The following LRRC4C variants were observed in gnomAD, a reference collection of about 807,000 sequenced individuals.
LRRC4C encodes leucine rich repeat containing 4C.
In LRRC4C, 5 loss-of-function variants were observed where a neutral mutation model predicts 33.6. That is an observed-to-expected ratio of 0.15 (90% CI 0.08 to 0.31). LRRC4C has a LOEUF of 0.31. LRRC4C is among the 10% of genes least tolerant of loss of function. The pLI is 1.00. For missense variants in LRRC4C, 560 were observed against 796.7 expected (o/e 0.70, Z 3.58); for synonymous variants, 329 against 302.0 (o/e 1.09, Z -0.93).
chr11:40,158,696 T>C (rs956443099), intron 5 of LRRC4C, among the ~76,000 whole-genome samples: 1 of 152,100 alleles, frequency 6.6e-6, no homozygotes, highest in East Asian at 1.9e-4. Context: ...TTTAATGTGA[T>C]CCATCAAAGT....
chr11:40,275,963 C>T (rs1943071883), intron 4 of LRRC4C, among the ~76,000 whole-genome samples: 1 of 152,022 alleles, frequency 6.6e-6, no homozygotes, highest in Non-Finnish European at 1.5e-5. Context: ...AGAACAATTA[C>T]TTATGCAAAA....
At chr11:40,170,508 GA>G (rs543216031) in intron 5 of LRRC4C, among the ~76,000 whole-genome samples, 5,002 of 147,582 alleles carry the variant, frequency 0.034, 117 homozygotes, top group Middle Eastern at 0.09. Flanking sequence ...GAGAAAGAGA[GA>G]AAAAAAAAAT....
chr11:40,528,839 C>G (rs1285506131), intron 3 of LRRC4C, among the ~76,000 whole-genome samples: 1 of 152,118 alleles, frequency 6.6e-6, no homozygotes, highest in African/African-American at 2.4e-5. Flanking sequence ...TTTGGAACAG[C>G]ATGGATGAAC....
chr11:41,121,542 C>T (rs1942430797), intron 1 of LRRC4C, among the ~76,000 whole-genome samples: 1 of 152,102 alleles, frequency 6.6e-6, no homozygotes, highest in African/African-American at 2.4e-5. Context: ...TATTCAATGC[C>T]TAGTACATCA....
intron 1 of LRRC4C, among the ~76,000 whole-genome samples, chr11:41,131,927 A>G (rs1943031639): frequency 6.6e-6 from 1 of 152,182 alleles, no homozygotes; most frequent in African/African-American, 2.4e-5. Flanking sequence ...AAGAACTCTC[A>G]GTTCTGGAAA....
intron 3 of LRRC4C, among the ~76,000 whole-genome samples, chr11:40,632,756 G>A (rs12224036): frequency 0.15 from 23,012 of 152,142 alleles, 1,808 homozygotes; most frequent in Non-Finnish European, 0.18. Flanking sequence ...TGACCAAGAC[G>A]GTATGTGGCA....
intron 3 of LRRC4C, among the ~76,000 whole-genome samples, chr11:40,591,674 A>T (rs77080088): frequency 0.02 from 2,996 of 152,356 alleles, 99 homozygotes; most frequent in African/African-American, 0.067. Flanking sequence ...ACATAAATTA[A>T]AATGAAGACC....
intron 3 of LRRC4C, among the ~76,000 whole-genome samples, chr11:40,608,094 G>T (rs1378608527): frequency 1.3e-5 from 2 of 152,046 alleles, no homozygotes; most frequent in East Asian, 3.9e-4. Flanking sequence ...ATATATAGAA[G>T]AATACAGAAT....
intron 4 of LRRC4C, among the ~76,000 whole-genome samples, chr11:40,269,943 G>C (rs1289037308): frequency 6.6e-6 from 1 of 152,114 alleles, no homozygotes; most frequent in Non-Finnish European, 1.5e-5. Context: ...ATGCAGGATA[G>C]AAGGAAGTTA....
intron 1 of LRRC4C, among the ~76,000 whole-genome samples, chr11:41,232,013 T>C (rs1388684688): frequency 2.0e-5 from 3 of 151,930 alleles, no homozygotes; most frequent in Non-Finnish European, 4.4e-5. Context: ...ACCACCACTT[T>C]GAACTCCAGC....
chr11:40,702,024 T>A (rs1020024756), intron 2 of LRRC4C, among the ~76,000 whole-genome samples: 2 of 151,940 alleles, frequency 1.3e-5, no homozygotes, highest in Non-Finnish European at 2.9e-5. Context: ...TTTAAAAAAA[T>A]TTATTCCATT....
intron 2 of LRRC4C, among the ~76,000 whole-genome samples, chr11:40,672,909 C>T (rs1347706576): frequency 6.6e-6 from 1 of 152,058 alleles, no homozygotes; most frequent in African/African-American, 2.4e-5. Flanking sequence ...AGCATTTTGA[C>T]AATTCCCTCA....
rs1350916 is a variant in LRRC4C at position 41,075,768 on chromosome 11, T to C, written c.-495-142045A>G. Among the ~76,000 whole-genome samples, 1,362 of 152,320 alleles carry C rather than the reference T, an allele frequency of 8.9e-3. 58 individuals are homozygous for C. In the East Asian group the frequency reaches 0.1, roughly 11 times the overall value. On this transcript the variant is annotated intron_variant, in intron 1 of 6. Transcript: ENST00000528697. The stretch of plus-strand genomic sequence containing the variant: ...TAATTCCCTTAAATTTTCTCTTGTA[T>C]GCACTCCAATCAGATTTTAAACTCT...
intron 3 of LRRC4C, among the ~76,000 whole-genome samples, chr11:40,567,594 G>T (rs1957816129): frequency 6.6e-6 from 1 of 152,130 alleles, no homozygotes; most frequent in Non-Finnish European, 1.5e-5. Context: ...ACAGAGATAA[G>T]ATATATGACT....
chr11:41,436,956 C>A (rs978964317), intron 1 of LRRC4C, among the ~76,000 whole-genome samples: 1 of 152,172 alleles, frequency 6.6e-6, no homozygotes, highest in African/African-American at 2.4e-5. Context: ...TGATAAATCT[C>A]AAACTCTGAT....
At chr11:40,979,071 C>A (rs1360037009) in intron 1 of LRRC4C, among the ~76,000 whole-genome samples, 1 of 152,126 alleles carries the variant, frequency 6.6e-6, no homozygotes, top group Non-Finnish European at 1.5e-5. Context: ...TGACCTGTAA[C>A]CCTTGACCTG....
chr11:40,547,281 T>G (rs959870453), intron 3 of LRRC4C, among the ~76,000 whole-genome samples: 3 of 151,938 alleles, frequency 2.0e-5, no homozygotes, highest in African/African-American at 7.2e-5. Flanking sequence ...ATTCCAAAAC[T>G]TTTTTTTCAT....
chr11:40,694,270 T>C (rs2136426355), intron 2 of LRRC4C, among the ~76,000 whole-genome samples: 1 of 152,214 alleles, frequency 6.6e-6, no homozygotes, highest in East Asian at 1.9e-4. Flanking sequence ...TGAGGAGAAA[T>C]GAACAGTCTT....
At chr11:40,333,614 G>C (rs1338234535) in intron 3 of LRRC4C, among the ~76,000 whole-genome samples, 1 of 151,604 alleles carries the variant, frequency 6.6e-6, no homozygotes, top group Non-Finnish European at 1.5e-5. Flanking sequence ...CTACTCAGGG[G>C]GCTGAGGCAG....
Sources: gnomAD v4.1 joint callset for allele counts (sites outside exome capture counted in the v4.1 genomes callset) on GRCh38, gnomAD v4.1.1 for gene constraint, MANE v1.5 for transcripts, NCBI Gene and HGNC (gene_info 2026-07-23, HGNC 2026-07-21) for gene names.